Variants in FGF14 observed in about 807,000 individuals in gnomAD.
FGF14 encodes fibroblast growth factor homologous factor 4.
In FGF14, 5 loss-of-function variants were observed where a neutral mutation model predicts 25.5. The observed-to-expected ratio is 0.20, with a 90% CI of 0.10 to 0.41. FGF14 has a LOEUF of 0.41. FGF14 is among the 10% of genes least tolerant of loss of function. The pLI is 1.00. For missense variants in FGF14, 222 were observed against 320.1 expected (o/e 0.69, Z 2.34); for synonymous variants, 138 against 118.3 (o/e 1.17, Z -1.08).
At chr13:102,036,706 CGAAGAA>C (rs1193537109) in intron 1 of FGF14, among the ~76,000 whole-genome samples, 4 of 151,512 alleles carry the variant, frequency 2.6e-5, no homozygotes, top group Admixed American at 6.6e-5. Flanking sequence ...AGGAGGAGGA[CGAAGAA>C]GAAAAAGAAG....
chr13:102,160,976 C>T (rs979406181), intron 1 of FGF14, among the ~76,000 whole-genome samples: 2 of 152,156 alleles, frequency 1.3e-5, no homozygotes, highest in Non-Finnish European at 1.5e-5. Flanking sequence ...CACTTCAAGT[C>T]ATGCGTGCAT....
intron 1 of FGF14, among the ~76,000 whole-genome samples, chr13:102,039,712 G>T (rs2041641518): frequency 6.6e-6 from 1 of 152,074 alleles, no homozygotes; most frequent in Non-Finnish European, 1.5e-5. Flanking sequence ...TTCCACATAT[G>T]GTCACATTAA....
chr13:102,113,457 C>G (rs1230187170), intron 1 of FGF14, among the ~76,000 whole-genome samples: 1 of 152,118 alleles, frequency 6.6e-6, no homozygotes, highest in South Asian at 2.1e-4. Context: ...CACAAAGATC[C>G]CTGGGGACTA....
intron 1 of FGF14, among the ~76,000 whole-genome samples, chr13:102,122,915 G>A (rs2140371169): frequency 6.6e-6 from 1 of 152,288 alleles, no homozygotes; most frequent in Non-Finnish European, 1.5e-5. Flanking sequence ...CCAAGTCGCA[G>A]AGGTGGCAAG....
intron 1 of FGF14, among the ~76,000 whole-genome samples, chr13:102,334,551 T>C (rs2056733721): frequency 2.0e-5 from 3 of 152,136 alleles, no homozygotes; most frequent in South Asian, 2.1e-4. Flanking sequence ...ATGTTCTCTT[T>C]TGCCTCAAGA....
At chr13:101,989,642 G>T (rs998633905) in intron 1 of FGF14, among the ~76,000 whole-genome samples, 3 of 152,014 alleles carry the variant, frequency 2.0e-5, no homozygotes, top group African/African-American at 7.2e-5. Flanking sequence ...ATAATTGTTG[G>T]CTTAAAGCTT....
At position 102,167,312 on chromosome 13, in the gene FGF14, C is replaced by CAAAAA. The variant is rs10689114; in HGVS notation, c.208+234154_208+234158dup. Reference sequence around the variant, plus strand: ...GAGATTGCACCATTGCACTCCATCTCAAAAAAAAAAAAAAAAAAAAAAGGA... The same window carrying CAAAAA: ...GAGATTGCACCATTGCACTCCATCTCAAAAAAAAAAAAAAAAAAAAAAAAAAAGGA... On this transcript the variant is annotated intron_variant, in intron 1 of 4. Transcript: ENST00000376131. Among the ~76,000 whole-genome samples, 108 of 72,656 alleles carry CAAAAA rather than the reference C, an allele frequency of 1.5e-3. 1 individual carries two copies. Among genetic ancestry groups the CAAAAA allele is most frequent in the African/African-American group, 5.5e-3 (103 of 18,698 alleles). 47.7% of individuals were successfully genotyped at this position (72,656 alleles called of 152,430 possible). A position where few individuals can be genotyped will look rare whatever the true frequency, so the allele number is the denominator to read the frequency against.
intron 1 of FGF14, among the ~76,000 whole-genome samples, chr13:102,297,490 A>T (rs982492414): frequency 6.6e-6 from 1 of 152,170 alleles, no homozygotes; most frequent in African/African-American, 2.4e-5. Context: ...ATACTTACAT[A>T]AGAGGCTATG....
At chr13:101,750,601 AAAAC>A (rs1191862518) in intron 3 of FGF14, among the ~76,000 whole-genome samples, 3 of 152,166 alleles carry the variant, frequency 2.0e-5, no homozygotes, top group Admixed American at 6.6e-5. Context: ...AATGAAAATG[AAAAC>A]TAATGCAAAC....
chr13:101,867,505 G>C (rs948219130), intron 3 of FGF14, among the ~76,000 whole-genome samples: 6 of 152,108 alleles, frequency 3.9e-5, no homozygotes, highest in African/African-American at 1.4e-4. Flanking sequence ...TACTTGGGAA[G>C]AAGATAAAGA....
At chr13:101,974,637 T>C (rs552155870) in intron 1 of FGF14, among the ~76,000 whole-genome samples, 1 of 152,094 alleles carries the variant, frequency 6.6e-6, no homozygotes, top group Non-Finnish European at 1.5e-5. Context: ...GAATGATCCC[T>C]CTTGAAGTAA....
At chr13:102,048,661 T>A in intron 1 of FGF14, among the ~76,000 whole-genome samples, 1 of 152,170 alleles carries the variant, frequency 6.6e-6, no homozygotes, top group Non-Finnish European at 1.5e-5. Flanking sequence ...ATGCTGCACC[T>A]GTGTGAGAAG....
intron 1 of FGF14, among the ~76,000 whole-genome samples, chr13:101,915,459 T>C (rs2493582): frequency 0.33 from 50,115 of 151,956 alleles, 8,635 homozygotes; most frequent in East Asian, 0.45. Flanking sequence ...CAACCCCACT[T>C]GGTTATGAAA....
intron 1 of FGF14, among the ~76,000 whole-genome samples, chr13:102,158,315 G>A (rs537351632): frequency 1.2e-4 from 19 of 152,212 alleles, no homozygotes; most frequent in African/African-American, 3.4e-4. Context: ...TGTGGCACAT[G>A]TACACCATGG....
chr13:101,873,093 A>G (rs2045204162), intron 2 of FGF14, among the ~76,000 whole-genome samples: 1 of 152,000 alleles, frequency 6.6e-6, no homozygotes, highest in African/African-American at 2.4e-5. Context: ...TCAGCTTTCC[A>G]GTTTAGTCTT....
intron 4 of FGF14, among the ~76,000 whole-genome samples, chr13:101,725,289 A>C (rs2139680278): frequency 6.6e-6 from 1 of 151,946 alleles, no homozygotes; most frequent in African/African-American, 2.4e-5. Flanking sequence ...TTTTTTTGGG[A>C]GGAACAGGGA....
At chr13:101,765,075 C>A (rs1258543054) in intron 3 of FGF14, among the ~76,000 whole-genome samples, 1 of 152,120 alleles carries the variant, frequency 6.6e-6, no homozygotes, top group Non-Finnish European at 1.5e-5. Flanking sequence ...TGATTTGGTT[C>A]ATATATTCTA....
chr13:101,940,106 T>C (rs1280032740), intron 1 of FGF14, among the ~76,000 whole-genome samples: 1 of 152,238 alleles, frequency 6.6e-6, no homozygotes, highest in East Asian at 1.9e-4. Context: ...TTATCTTGAA[T>C]GATCTGGCTT....
chr13:102,262,416 T>A (rs762285420), intron 1 of FGF14, among the ~76,000 whole-genome samples: 1 of 152,056 alleles, frequency 6.6e-6, no homozygotes, highest in African/African-American at 2.4e-5. Flanking sequence ...GCTCACTCTG[T>A]CCCTGTGAGG....
Sources: allele counts gnomAD v4.1 joint callset (sites outside exome capture counted in the v4.1 genomes callset), GRCh38; gene constraint gnomAD v4.1.1; transcripts MANE v1.5; gene names NCBI Gene and HGNC (gene_info 2026-07-23, HGNC 2026-07-21).